TRABD2A: variants seen among roughly 807,000 people sequenced by gnomAD.
TRABD2A encodes metalloprotease TIKI1.
A neutral mutation model predicts 45.6 loss-of-function variants in TRABD2A; 43 were observed. The observed-to-expected ratio is 0.94, with a 90% CI of 0.74 to 1.22. TRABD2A has a LOEUF of 1.22. Ranked by LOEUF, TRABD2A falls within the 50% of genes most tolerant of loss-of-function variation. TRABD2A has a pLI of 0.00. For missense variants in TRABD2A, 642 were observed against 652.4 expected (o/e 0.98, Z 0.17); for synonymous variants, 269 against 265.0 (o/e 1.02, Z -0.15).
chr2:84,848,397 G>GAC (rs1681976588), intron 2 of TRABD2A, among the ~76,000 whole-genome samples: 1 of 147,204 alleles, frequency 6.8e-6, no homozygotes, highest in Admixed American at 6.7e-5. Flanking sequence ...CAGACAGACA[G>GAC]ACAGACAGAC....
At chr2:84,851,016 C>G (rs1022464958) in intron 2 of TRABD2A, 1 of 152,228 alleles carries the variant, frequency 6.6e-6, no homozygotes, top group African/African-American at 2.4e-5. Flanking sequence ...CTGTCCTGTC[C>G]TGTCCTGTCC....
intron 2 of TRABD2A, among the ~76,000 whole-genome samples, chr2:84,865,208 T>C (rs989098520): frequency 3.3e-5 from 5 of 150,742 alleles, no homozygotes; most frequent in South Asian, 2.1e-4. Flanking sequence ...CAAACCACTA[T>C]TGAATGTTGC....
intron 2 of TRABD2A, among the ~76,000 whole-genome samples, chr2:84,864,479 A>G (rs1268609748): frequency 2.0e-5 from 3 of 151,986 alleles, no homozygotes; most frequent in African/African-American, 7.3e-5. Flanking sequence ...TGCCATCCCC[A>G]CTGAAGTCAA....
At chr2:84,831,867 G>A (rs1047606026) in intron 5 of TRABD2A, among the ~76,000 whole-genome samples, 188 bp downstream of exon 5, 21 of 152,070 alleles carry the variant, frequency 1.4e-4, no homozygotes, top group Non-Finnish European at 2.2e-4. Flanking sequence ...TGCCAACCAC[G>A]TCTGACACAG....
chr2:84,843,755 T>A (rs529185750), intron 2 of TRABD2A: 2 of 152,220 alleles, frequency 1.3e-5, no homozygotes, highest in Non-Finnish European at 2.9e-5. Flanking sequence ...CCCAAAAAGG[T>A]CCTTATAAAG....
chr2:84,842,301 C>G (rs1681737777), intron 2 of TRABD2A, among the ~76,000 whole-genome samples: 1 of 152,128 alleles, frequency 6.6e-6, no homozygotes, highest in Non-Finnish European at 1.5e-5. Flanking sequence ...CAAGAGCTGG[C>G]TTGTGAGGAA....
At chr2:84,852,910 A>G (rs996586164) in intron 2 of TRABD2A, among the ~76,000 whole-genome samples, 2 of 152,142 alleles carry the variant, frequency 1.3e-5, no homozygotes, top group African/African-American at 4.8e-5. Context: ...ACTGCAGGAC[A>G]CAGAAGACAG....
intron 3 of TRABD2A, among the ~76,000 whole-genome samples, chr2:84,841,107 C>A (rs961490147): frequency 6.6e-6 from 1 of 152,214 alleles, no homozygotes; most frequent in Admixed American, 6.5e-5. Flanking sequence ...GGGGAAACAA[C>A]ACACTCCCCT....
At chr2:84,864,610 A>G (rs1682614258) in intron 2 of TRABD2A, among the ~76,000 whole-genome samples, 1 of 152,056 alleles carries the variant, frequency 6.6e-6, no homozygotes, top group Non-Finnish European at 1.5e-5. Context: ...CTGCTTCCAG[A>G]TGGGCCTCTC....
rs192642288 is a variant in TRABD2A, at chr2:84,851,938, G to A, written c.670-9931C>T. On this transcript the variant is annotated intron_variant, in intron 2 of 6. Coordinates refer to ENST00000409520, the MANE Select transcript of TRABD2A (RefSeq NM_001277053.2). ...TTTGCTCCATCTCAAGAAGCAATGG[G>A]AGCAGAGCTCTCTGGTCTCCATCCT... 2.0e-4 allele frequency among the ~76,000 whole-genome samples: 30 copies of A among 152,278 alleles called. No individual in the cohort carries two copies. In the East Asian group the frequency reaches 5.6e-3, roughly 28 times the overall value.
In TRABD2A at chr2:84,824,189, C is replaced by G. The variant is rs2105369083; in HGVS notation, c.1098G>C (p.Lys366Asn). 1 of 1,613,844 alleles carries G rather than the reference C, an allele frequency of 6.2e-7. No homozygotes were observed. The highest frequency in any genetic ancestry group is 8.5e-7 in the Non-Finnish European group (1 of 1,179,854). The change falls in exon 6 of 7, where the codon AAG becomes AAC. Residue 366 changes from lysine to asparagine, a missense_variant. Lys to Asn is a moderately conservative substitution (Grantham distance 94). Coordinates refer to ENST00000409520, the MANE Select transcript of TRABD2A (RefSeq NM_001277053.2). ...TGGACAGAGTGGGCCGTGTGGAGGT[C>G]TTTTTACTCTTCCCTCTGTACGCAA... ...GRPIHKGKSK[K>N]TSTRPTLSTI...
chr2:84,844,347 G>A (rs547387585), intron 2 of TRABD2A, among the ~76,000 whole-genome samples: 101 of 152,210 alleles, frequency 6.6e-4, no homozygotes, highest in African/African-American at 2.1e-3. Context: ...CCCTGCACAC[G>A]CTCTCTTGCC....
At chr2:84,826,698 G>GT (rs1376719912) in intron 5 of TRABD2A, among the ~76,000 whole-genome samples, 1 of 151,192 alleles carries the variant, frequency 6.6e-6, no homozygotes, top group Non-Finnish European at 1.5e-5. Context: ...CGCCCAGCTA[G>GT]TTTTTTTGTA....
Position 84,853,423 on chromosome 2 carries a change from G to A in TRABD2A, c.670-11416C>T, listed in dbSNP as rs144969146. Among the ~76,000 whole-genome samples, 491 of 152,232 alleles carry A rather than the reference G, an allele frequency of 3.2e-3. 1 individual carries two copies. Among genetic ancestry groups the A allele is most frequent in the African/African-American group, 0.011 (451 of 41,528 alleles). ...GGAAGGAGAAGTGCTGAGCAAAAGG[G>A]GGAAAAGCCCCTTATGAAACTATCA... On this transcript the variant is annotated intron_variant, in intron 2 of 6. Coordinates refer to ENST00000409520, the MANE Select transcript of TRABD2A (RefSeq NM_001277053.2).
chr2:84,858,390 C>T (rs906849649), intron 2 of TRABD2A, among the ~76,000 whole-genome samples: 2 of 152,216 alleles, frequency 1.3e-5, no homozygotes, highest in African/African-American at 4.8e-5. Context: ...TTCAGAATAG[C>T]TGTCTGTTTT....
rs933248599 is a variant in TRABD2A, at chr2:84,844,556, C to T, written c.670-2549G>A. On this transcript the variant is annotated intron_variant, in intron 2 of 6. Coordinates refer to ENST00000409520, the MANE Select transcript of TRABD2A (RefSeq NM_001277053.2). ...GCCTTGCCAGAAAAGCAGATACACC[C>T]GGGTGCTTGTCTGCAAACTGATCTA... 8.5e-5 allele frequency among the ~76,000 whole-genome samples: 13 copies of T among 152,164 alleles called. 1 individual carries two copies. Among genetic ancestry groups the T allele is most frequent in the Admixed American group, 2.6e-4 (4 of 15,254 alleles).
At chr2:84,863,239 CTTT>C (rs773927512) in intron 2 of TRABD2A, among the ~76,000 whole-genome samples, 63 of 98,130 alleles carry the variant, frequency 6.4e-4, no homozygotes, top group African/African-American at 2.6e-3. Flanking sequence ...TCATGTGAAT[CTTT>C]TTTTTTTTTT....
Position 84,830,890 on chromosome 2 carries a change from C to T in TRABD2A, c.1082+1165G>A, listed in dbSNP as rs546754394. ...GGCGGCCTTCGGGCAGACACAACTG[C>T]TGGATCCTCTGCCAGGGGATGGGCA... On this transcript the variant is annotated intron_variant, in intron 5 of 6. Coordinates refer to ENST00000409520, the MANE Select transcript of TRABD2A (RefSeq NM_001277053.2). The surrounding 1 kb of genome is among the most constrained non-coding windows in gnomAD (Gnocchi z 4.9). Among the ~76,000 whole-genome samples, 98 of 152,264 alleles carry T rather than the reference C, an allele frequency of 6.4e-4. No homozygotes were observed. The highest frequency in any genetic ancestry group is 2.3e-3 in the African/African-American group (95 of 41,544).
At chr2:84,866,188 G>A (rs113468007) in intron 2 of TRABD2A, among the ~76,000 whole-genome samples, 1 of 152,214 alleles carries the variant, frequency 6.6e-6, no homozygotes, top group African/African-American at 2.4e-5. Context: ...AAGGTAACAG[G>A]GAGGAGTGGG....
Sources: allele counts gnomAD v4.1 joint callset (sites outside exome capture counted in the v4.1 genomes callset), GRCh38; gene constraint gnomAD v4.1.1; non-coding constraint Gnocchi (gnomAD v3.1); transcripts MANE v1.5; gene names NCBI Gene and HGNC (gene_info 2026-07-23, HGNC 2026-07-21).